The following OR14I1 variants were observed in gnomAD, a reference collection of about 807,000 sequenced individuals.
OR14I1 encodes the protein olfactory receptor family 14 subfamily I member 1, also known as olfactory receptor 14I1.
For synonymous variants in OR14I1, 118 were observed against 71.1 expected, an observed-to-expected ratio of 1.66 and a Z score of -3.32; for missense variants, 279 against 181.8, an observed-to-expected ratio of 1.53 and a Z score of -3.07.
upstream of OR14I1, among the ~76,000 whole-genome samples, chr1:248,685,822 T>C (rs1252764675): frequency 6.6e-6 from 1 of 151,212 alleles, no homozygotes; most frequent in East Asian, 1.9e-4. Context: ...TGTGTATATA[T>C]AGTTACTGTT....
At chr1:248,693,495 T>G in the OR14I1 span, among the ~76,000 whole-genome samples, 1 of 152,210 alleles carries the variant, frequency 6.6e-6, no homozygotes, top group Non-Finnish European at 1.5e-5. Flanking sequence ...CAACTTAGGA[T>G]TTTTGATAAG....
At chr1:248,680,967 C>CGTGCGTGTGT (rs1553277283), downstream of OR14I1, among the ~76,000 whole-genome samples, 1 of 147,108 alleles carries the variant, frequency 6.8e-6, no homozygotes, top group African/African-American at 2.5e-5. Context: ...AAACTGTGTG[C>CGTGCGTGTGT]GTGTGTGTGT....
chr1:248,690,170 A>G, the OR14I1 span, among the ~76,000 whole-genome samples: 1 of 152,210 alleles, frequency 6.6e-6, no homozygotes, highest in South Asian at 2.1e-4. Flanking sequence ...TAAAAGAACT[A>G]GAGAAGCAAG....
chr1:248,688,315 ATC>A, the OR14I1 span, among the ~76,000 whole-genome samples: 1 of 152,252 alleles, frequency 6.6e-6, no homozygotes, highest in African/African-American at 2.4e-5. Context: ...TTTCTTCCTT[ATC>A]AGAGTTTCCA....
chr1:248,685,571 A>T (rs555142808), upstream of OR14I1, among the ~76,000 whole-genome samples: 976 of 152,210 alleles, frequency 6.4e-3, 10 homozygotes, highest in African/African-American at 0.022. Context: ...TATTATCTAG[A>T]GAATGAGAAA....
chr1:248,686,668 T>TG, upstream of OR14I1, among the ~76,000 whole-genome samples: 1 of 148,900 alleles, frequency 6.7e-6, no homozygotes, highest in African/African-American at 2.5e-5. Context: ...GATTTTTTTC[T>TG]CATAAAAAAT....
the OR14I1 span, among the ~76,000 whole-genome samples, chr1:248,688,180 T>C: frequency 6.6e-6 from 1 of 152,224 alleles, no homozygotes; most frequent in Admixed American, 6.5e-5. Context: ...GCACAGAGCT[T>C]GGACTTCCAG....
the OR14I1 span, among the ~76,000 whole-genome samples, chr1:248,689,907 C>T: frequency 6.6e-6 from 1 of 152,186 alleles, no homozygotes; most frequent in African/African-American, 2.4e-5. Flanking sequence ...CAAATTAGAA[C>T]TCAGGATTAA....
At chr1:248,694,387 C>T in the OR14I1 span, among the ~76,000 whole-genome samples, 1 of 151,984 alleles carries the variant, frequency 6.6e-6, no homozygotes, top group Non-Finnish European at 1.5e-5. Context: ...CGTATATTAT[C>T]CTACCCTCTT....
At chr1:248,691,340 G>A in the OR14I1 span, among the ~76,000 whole-genome samples, 2,753 of 152,290 alleles carry the variant, frequency 0.018, 44 homozygotes, top group Non-Finnish European at 0.026. Flanking sequence ...CAGTCTCAAG[G>A]AGGTGTGAGT....
At chr1:248,699,692 A>G in the OR14I1 span, among the ~76,000 whole-genome samples, 4 of 152,172 alleles carry the variant, frequency 2.6e-5, no homozygotes, top group African/African-American at 4.8e-5. Context: ...GTTTCCTTCA[A>G]TCCACCAGAG....
chr1:248,699,698 C>T, the OR14I1 span, among the ~76,000 whole-genome samples: 1 of 152,086 alleles, frequency 6.6e-6, no homozygotes, highest in Non-Finnish European at 1.5e-5. Flanking sequence ...TTCAATCCAC[C>T]AGAGAGATGA....
At chr1:248,697,405 C>T in the OR14I1 span, among the ~76,000 whole-genome samples, 2 of 150,244 alleles carry the variant, frequency 1.3e-5, no homozygotes, top group Non-Finnish European at 2.9e-5. Flanking sequence ...TTGACAGGCT[C>T]TCTACTAGCT....
At chr1:248,681,967 A>G in exon 1 of OR14I1, 2 of 781,074 alleles carry the variant, frequency 2.6e-6, no homozygotes, top group Non-Finnish European at 4.8e-6. Context: ...CATGACAGTA[A>G]GGAAGGCCAG....
upstream of OR14I1, among the ~76,000 whole-genome samples, chr1:248,684,290 G>T (rs1178418266): frequency 6.6e-6 from 1 of 152,180 alleles, no homozygotes; most frequent in Non-Finnish European, 1.5e-5. Context: ...ATGCTATTTT[G>T]TGTCCATTGC....
At chr1:248,687,744 T>G in the OR14I1 span, among the ~76,000 whole-genome samples, 1 of 152,184 alleles carries the variant, frequency 6.6e-6, no homozygotes, top group Non-Finnish European at 1.5e-5. Context: ...AGGAGCAAAG[T>G]AGAAAAATCA....
upstream of OR14I1, among the ~76,000 whole-genome samples, chr1:248,687,211 A>G (rs1661672381): frequency 6.6e-6 from 1 of 152,270 alleles, no homozygotes; most frequent in Non-Finnish European, 1.5e-5. Context: ...TTCACATTTC[A>G]TAAAATAATC....
chr1:248,687,674 T>C, the OR14I1 span, among the ~76,000 whole-genome samples: 1 of 152,198 alleles, frequency 6.6e-6, no homozygotes, highest in Non-Finnish European at 1.5e-5. Flanking sequence ...GCACTACAGA[T>C]CAGAAGAAAT....
At chr1:248,697,251 G>A in the OR14I1 span, 1 of 152,128 alleles carries the variant, frequency 6.6e-6, no homozygotes, top group African/African-American at 2.4e-5. Flanking sequence ...AAGCTTATGG[G>A]GTATGTGTTC....
Sources: allele counts gnomAD v4.1 joint callset (sites outside exome capture counted in the v4.1 genomes callset), GRCh38; gene constraint gnomAD v4.1.1; transcripts MANE v1.5; gene names NCBI Gene and HGNC (gene_info 2026-07-23, HGNC 2026-07-21).